The following COG5 variants were observed in gnomAD, a reference collection of about 807,000 sequenced individuals.
COG5 encodes the protein conserved oligomeric Golgi complex subunit 5.
A neutral mutation model predicts 110.4 loss-of-function variants in COG5; 86 were observed. The observed-to-expected ratio is 0.78, with a 90% CI of 0.65 to 0.93. The LOEUF is 0.93. COG5 is among the 40% of genes least tolerant of loss of function. The pLI is 0.00. For missense variants in COG5, 1,077 were observed against 987.0 expected (o/e 1.09, Z -1.22); for synonymous variants, 360 against 334.6 (o/e 1.08, Z -0.83).
chr7:107,308,078 C>T (rs537053270), intron 11 of COG5, among the ~76,000 whole-genome samples: 2 of 152,132 alleles, frequency 1.3e-5, no homozygotes, highest in Non-Finnish European at 1.5e-5. Flanking sequence ...ATATCATCAA[C>T]CTAATCTGTA....
intron 5 of COG5, among the ~76,000 whole-genome samples, chr7:107,545,859 A>G (rs1411959840): frequency 2.6e-5 from 4 of 151,846 alleles, no homozygotes; most frequent in Non-Finnish European, 4.4e-5. Context: ...CTTTAACTAC[A>G]CTCTAAAACA....
rs373781763 is a variant in COG5, at chr7:107,203,473, A to C, written c.*43T>G. 7.5e-7 allele frequency: 1 copy of C among 1,327,776 alleles called. No homozygotes were observed. Among genetic ancestry groups the C allele is most frequent in the Non-Finnish European group, 1.1e-6 (1 of 918,952 alleles). The allele number at this position is 1,327,776 out of a possible 1,614,324, so 82.2% of individuals were successfully genotyped here. On this transcript the variant is annotated 3_prime_UTR_variant, in exon 22 of 22. Transcript: ENST00000297135. ...AGTATGTGTTTAACTGCCAACTATG[A>C]ATGGGTTAGCACAAAGTGGAGATGA... is the stretch of plus-strand genomic sequence containing the variant.
At chr7:107,341,718 C>T (rs1440030247) in intron 10 of COG5, among the ~76,000 whole-genome samples, 2 of 152,074 alleles carry the variant, frequency 1.3e-5, no homozygotes, top group Non-Finnish European at 2.9e-5. Flanking sequence ...GATATAAAGC[C>T]TCACACCTAC....
At chr7:107,229,827 GTTTTTTTTTTGGTTTTTGTT>G (rs1800636856) in intron 19 of COG5, among the ~76,000 whole-genome samples, 1 of 129,362 alleles carries the variant, frequency 7.7e-6, no homozygotes, top group African/African-American at 2.9e-5. Flanking sequence ...AGATTCTTCT[GTTTTTTTTTTGGTTTTTGTT>G]TTTTTTTTTT....
chr7:107,253,978 C>A (rs971965875), intron 16 of COG5, among the ~76,000 whole-genome samples: 1 of 152,062 alleles, frequency 6.6e-6, no homozygotes, highest in South Asian at 2.1e-4. Context: ...TTCATCATAG[C>A]GCTTATCACC....
At chr7:107,247,636 G>C in intron 17 of COG5, among the ~76,000 whole-genome samples, 1 of 152,094 alleles carries the variant, frequency 6.6e-6, no homozygotes, top group East Asian at 1.9e-4. Context: ...AAAAATCACA[G>C]CAAGCATTTG....
chr7:107,469,358 C>T (rs1796497092), intron 6 of COG5, among the ~76,000 whole-genome samples: 1 of 151,984 alleles, frequency 6.6e-6, no homozygotes, highest in African/African-American at 2.4e-5. Context: ...AAGTAGTAAT[C>T]TCCAAAAGTA....
Position 107,230,706 on chromosome 7 carries a change from T to G in COG5, c.2092-15A>C, listed in dbSNP as rs758678122. ...GCCAACTCCATCTGAAATATTAAAATATACTCCATTGTTGTAATGTCAGAA... is the reference window on the plus strand; with the variant it reads ...GCCAACTCCATCTGAAATATTAAAAGATACTCCATTGTTGTAATGTCAGAA... On this transcript the variant is annotated splice_polypyrimidine_tract_variant and intron_variant, in intron 18 of 21. Transcript: ENST00000297135. 35 of 1,566,852 alleles carry G rather than the reference T, an allele frequency of 2.2e-5. No homozygotes were observed. Among genetic ancestry groups the G allele is most frequent in the Non-Finnish European group, 2.9e-5 (33 of 1,137,298 alleles).
chr7:107,448,835 C>T (rs1795162567), intron 6 of COG5, among the ~76,000 whole-genome samples: 1 of 151,930 alleles, frequency 6.6e-6, no homozygotes, highest in African/African-American at 2.4e-5. Context: ...ATGAACCACA[C>T]AGCCTAGAAA....
At chr7:107,319,557 C>G (rs1186553212) in intron 11 of COG5, among the ~76,000 whole-genome samples, 1 of 152,184 alleles carries the variant, frequency 6.6e-6, no homozygotes, top group Non-Finnish European at 1.5e-5. Context: ...TCTGAGATCA[C>G]AGTTCTATAT....
chr7:107,491,611 T>A (rs1461326433), intron 6 of COG5, among the ~76,000 whole-genome samples: 1 of 152,172 alleles, frequency 6.6e-6, no homozygotes, highest in Non-Finnish European at 1.5e-5. Context: ...TAAAATAGTT[T>A]ACAAAACTCA....
At chr7:107,321,039 T>G (rs763547969) in intron 11 of COG5, among the ~76,000 whole-genome samples, 1 of 152,174 alleles carries the variant, frequency 6.6e-6, no homozygotes, top group Non-Finnish European at 1.5e-5. Context: ...GAGTTTTACA[T>G]TTGCTTTCTT....
At chr7:107,535,059 C>T (rs1801482026) in intron 5 of COG5, among the ~76,000 whole-genome samples, 1 of 151,610 alleles carries the variant, frequency 6.6e-6, no homozygotes, top group Non-Finnish European at 1.5e-5. Flanking sequence ...CAACCTGATC[C>T]TGAATGACTA....
At chr7:107,464,813 G>A (rs1359421663) in intron 6 of COG5, among the ~76,000 whole-genome samples, 1 of 152,104 alleles carries the variant, frequency 6.6e-6, no homozygotes, top group Non-Finnish European at 1.5e-5. Context: ...CAAGTCCCTG[G>A]CAAAGGGACT....
chr7:107,394,574 G>T (rs563743002), intron 7 of COG5, among the ~76,000 whole-genome samples: 1 of 152,312 alleles, frequency 6.6e-6, no homozygotes, highest in East Asian at 1.9e-4. Flanking sequence ...GATGTAGCAA[G>T]ACTGCTATAA....
intron 14 of COG5, among the ~76,000 whole-genome samples, chr7:107,280,961 CTTGA>C (rs1805116588): frequency 6.6e-6 from 1 of 151,718 alleles, no homozygotes; most frequent in African/African-American, 2.4e-5. Context: ...AAAGGGAAAA[CTTGA>C]TTGATCATGC....
At position 107,463,853 on chromosome 7, in the gene COG5, G is replaced by A. The variant is rs149199685; in HGVS notation, c.539-51221C>T. ...CCAGGGTGACGCTGTGCTCCTGGAA[G>A]TGCTTGGGCCTAGGGGTCTCTAATT... On this transcript the variant is annotated intron_variant, in intron 6 of 21. Coordinates refer to ENST00000297135, the MANE Select transcript of COG5 (RefSeq NM_006348.5). Among the ~76,000 whole-genome samples the A allele has an allele frequency of 5.4e-3, 817 of 152,274 alleles. 18 individuals are homozygous for A. Among genetic ancestry groups the A allele is most frequent in the East Asian group, 0.048 (248 of 5,170 alleles).
At chr7:107,544,237 T>C (rs961201193) in intron 5 of COG5, among the ~76,000 whole-genome samples, 31 of 151,356 alleles carry the variant, frequency 2.0e-4, no homozygotes, top group African/African-American at 7.3e-4. Context: ...CAGGTGCCAG[T>C]GAAAGCCAGG....
At chr7:107,481,798 T>C (rs1185350118) in intron 6 of COG5, among the ~76,000 whole-genome samples, 3 of 152,202 alleles carry the variant, frequency 2.0e-5, no homozygotes, top group Non-Finnish European at 4.4e-5. Flanking sequence ...TGTAGCTACC[T>C]ACTTTATAAA....
Sources: allele counts gnomAD v4.1 joint callset (sites outside exome capture counted in the v4.1 genomes callset), GRCh38; gene constraint gnomAD v4.1.1; transcripts MANE v1.5; gene names NCBI Gene and HGNC (gene_info 2026-07-23, HGNC 2026-07-21).